HUWE1: variants seen among roughly 807,000 people sequenced by gnomAD.
HUWE1 encodes HECT, UBA and WWE domain containing E3 ubiquitin protein ligase 1.
A neutral mutation model predicts 299.4 loss-of-function variants in HUWE1; 18 were observed. That is an observed-to-expected ratio of 0.06 (90% CI 0.04 to 0.09). The LOEUF (loss-of-function observed/expected upper bound fraction) is 0.09, where lower values mean the gene tolerates loss of function less well. Ranked by LOEUF, HUWE1 falls within the 10% of genes least tolerant of loss-of-function variation. The pLI, the probability that HUWE1 is intolerant of heterozygous loss-of-function variation, is 1.00. For synonymous variants in HUWE1, 1,317 were observed against 1,286.1 expected (o/e 1.02, Z -0.51); for missense variants, 1,832 against 3,462.3 (o/e 0.53, Z 11.82).
rs1307358972 is a variant in HUWE1 at position 53,532,276 on chromosome X, T to C, written c.*1033A>G. ...AGAGAGGGAGTGACGACAACAAAAA[T>C]AGACAAACAAAAATAATGGTCTTCT... On this transcript the variant is annotated 3_prime_UTR_variant, in exon 84 of 84. Coordinates refer to ENST00000262854, the MANE Select transcript of HUWE1 (RefSeq NM_031407.7). 2 of 111,227 alleles carry C rather than the reference T, an allele frequency of 1.8e-5. No individual in the cohort carries two copies. The highest frequency in any genetic ancestry group is 3.3e-5 in the African/African-American group (1 of 30,592). The allele number at this position is 111,227 out of a possible 1,213,427, so 9.2% of individuals were successfully genotyped here. A position where few individuals can be genotyped will look rare whatever the true frequency, so the allele number is the denominator to read the frequency against.
intron 10 of HUWE1, 31 bp from the exon 11 acceptor site, chrX:53,631,513 C>T (rs782282903): frequency 6.6e-5 from 78 of 1,177,413 alleles, no homozygotes; most frequent in Non-Finnish European, 1.2e-6. Context: ...TAGTTAGGAA[C>T]AAAAAGTGAA....
At chrX:53,546,312 A>G in intron 70 of HUWE1, 124 bp downstream of exon 70, 1 of 611,735 alleles carries the variant, frequency 1.6e-6, no homozygotes, top group Non-Finnish European at 2.7e-6. Context: ...GGGAGCATGG[A>G]GGCTGTGTTA....
chrX:53,669,879 ATACT>A (rs1557048730), intron 3 of HUWE1, among the ~76,000 whole-genome samples: 1 of 112,469 alleles, frequency 8.9e-6, no homozygotes, highest in Non-Finnish European at 1.9e-5. Flanking sequence ...TAACACAGTA[ATACT>A]TAACTATAAT....
rs782162014 is a variant in HUWE1, at chrX:53,604,716, C to T, written c.2615G>A (p.Arg872Gln). 4.1e-6 allele frequency: 5 copies of T among 1,210,251 alleles called. No individual in the cohort carries two copies. Among genetic ancestry groups the T allele is most frequent in the East Asian group, 3.0e-5 (1 of 33,782 alleles). ...AACATTGCCTGCGCAAGCCAGTTCT[C>T]GCAACAACACTGAGCCCCCAGGGGA... ...IESPGGSVLL[R>Q]ELACAGNVAD... The change falls in exon 26 of 84, where the codon CGA becomes CAA. Residue 872 changes from arginine (R) to glutamine (Q), a missense_variant. Arg to Gln is a conservative substitution (Grantham distance 43). Around this residue, in one of 15 missense-constraint regions of HUWE1, gnomAD observed 658 missense variants for 1,282.6 expected, o/e 0.51. Transcript: ENST00000262854.
chrX:53,557,012 C>A (rs1314245788), intron 60 of HUWE1, among the ~76,000 whole-genome samples: 4 of 112,362 alleles, frequency 3.6e-5, no homozygotes, highest in Non-Finnish European at 7.5e-5. Flanking sequence ...AAGTGCCACA[C>A]CATGGTGGTC....
chrX:53,592,333 T>C, intron 33 of HUWE1, 65 bp downstream of exon 33: 1 of 798,359 alleles, frequency 1.3e-6, no homozygotes, highest in Admixed American at 2.2e-5. Context: ...GCTTAGAAAA[T>C]CCGTAAGCAT....
chrX:53,542,346 C>T, intron 74 of HUWE1, 97 bp downstream of exon 74: 1 of 621,413 alleles, frequency 1.6e-6, no homozygotes, highest in South Asian at 2.3e-5. Context: ...AATGGGAAAA[C>T]ACTGGGCTTA....
intron 23 of HUWE1, among the ~76,000 whole-genome samples, chrX:53,613,310 G>A (rs1300558824): frequency 9.0e-6 from 1 of 111,453 alleles, no homozygotes; most frequent in Non-Finnish European, 1.9e-5. Context: ...AGAGTTCCAA[G>A]AGGACATACC....
intron 48 of HUWE1, among the ~76,000 whole-genome samples, chrX:53,569,378 TG>T (rs781872008): frequency 3.5e-5 from 4 of 112,738 alleles, no homozygotes; most frequent in African/African-American, 1.3e-4. Context: ...TCAACTTCCT[TG>T]AAGACCTTAA....
At chrX:53,668,302 C>T (rs2069348437) in intron 3 of HUWE1, among the ~76,000 whole-genome samples, 1 of 109,594 alleles carries the variant, frequency 9.1e-6, no homozygotes, top group East Asian at 2.9e-4. Flanking sequence ...ATTAGCTGGG[C>T]GTGGTGGCAC....
rs781950618 is a variant in HUWE1 at position 53,628,735 on chromosome X, T to G, written c.1114+17A>C. On this transcript the variant is annotated intron_variant, in intron 14 of 83. Coordinates refer to ENST00000262854, the MANE Select transcript of HUWE1 (RefSeq NM_031407.7). ...AAATGTTTCTTCTTGCCTAAGATAATCACCATCAAAACTTACCAATCATGG... is the reference window on the plus strand; with the variant it reads ...AAATGTTTCTTCTTGCCTAAGATAAGCACCATCAAAACTTACCAATCATGG... 15 of 1,210,968 alleles carry G rather than the reference T, an allele frequency of 1.2e-5. No homozygotes were observed. The highest frequency in any genetic ancestry group is 1.5e-5 in the Non-Finnish European group (13 of 894,839).
chrX:53,625,342 G>C (rs1320451093), intron 17 of HUWE1, 84 bp from the exon 18 acceptor site: 1 of 595,873 alleles, frequency 1.7e-6, no homozygotes, highest in African/African-American at 2.2e-5. Context: ...AATTTTAAGA[G>C]ATCCAAATAC....
At position 53,598,045 on chromosome X, in the gene HUWE1, T is replaced by C. The variant is rs370637822; in HGVS notation, c.3163+2073A>G. ...CAAAAAAAAGGTCATGGGTGAAGAATTTCAGGATATGAATCTCAGTGAAAT... is the reference window on the plus strand; with the variant it reads ...CAAAAAAAAGGTCATGGGTGAAGAACTTCAGGATATGAATCTCAGTGAAAT... On this transcript the variant is annotated intron_variant, in intron 29 of 83. Coordinates refer to ENST00000262854, the MANE Select transcript of HUWE1 (RefSeq NM_031407.7). Among the ~76,000 whole-genome samples, 90 of 111,407 alleles carry C rather than the reference T, an allele frequency of 8.1e-4. 1 individual carries two copies. The highest frequency in any genetic ancestry group is 2.9e-3 in the African/African-American group (88 of 30,518).
At chrX:53,602,802 A>C (rs2064941231) in intron 27 of HUWE1, 144 bp from the exon 28 acceptor site, 1 of 361,781 alleles carries the variant, frequency 2.8e-6, no homozygotes, top group East Asian at 4.4e-5. Flanking sequence ...GTAATAAAGC[A>C]TCTATAATTC....
In HUWE1 at chrX:53,534,000, C is replaced by G. The variant is rs1556909135; in HGVS notation, c.13022+7G>C. On this transcript the variant is annotated splice_region_variant and intron_variant, in intron 83 of 83. Coordinates refer to ENST00000262854, the MANE Select transcript of HUWE1 (RefSeq NM_031407.7). ...ACTGAAAAGGAGAAACAAACCCTTCCTTTTACCATGTGTGAGCTGAAGGCA... is the reference window on the plus strand; with the variant it reads ...ACTGAAAAGGAGAAACAAACCCTTCGTTTTACCATGTGTGAGCTGAAGGCA... 1 of 1,207,045 alleles carries G rather than the reference C, an allele frequency of 8.3e-7. No homozygotes were observed. The highest frequency in any genetic ancestry group is 1.1e-6 in the Non-Finnish European group (1 of 891,234).
At chrX:53,576,117 T>C (rs2063092569) in intron 44 of HUWE1, among the ~76,000 whole-genome samples, 2 of 111,710 alleles carry the variant, frequency 1.8e-5, no homozygotes, top group African/African-American at 6.5e-5. Flanking sequence ...TGATAAGAGA[T>C]AGGGTAAAGA....
intron 11 of HUWE1, among the ~76,000 whole-genome samples, 178 bp downstream of exon 11, chrX:53,631,236 T>A (rs782106539): frequency 9.0e-6 from 1 of 111,670 alleles, no homozygotes. Flanking sequence ...TAGGAAGTTA[T>A]TAAGTGTTAA....
At chrX:53,676,878 T>C (rs1315400542) in intron 3 of HUWE1, among the ~76,000 whole-genome samples, 1 of 111,580 alleles carries the variant, frequency 9.0e-6, no homozygotes, top group Non-Finnish European at 1.9e-5. Context: ...TTTTAAAAAA[T>C]TGAGTATTTA....
intron 4 of HUWE1, among the ~76,000 whole-genome samples, chrX:53,653,427 T>C (rs1341224981): frequency 1.8e-5 from 2 of 111,434 alleles, no homozygotes; most frequent in Non-Finnish European, 3.8e-5. Context: ...ATTTCAAAGC[T>C]TGTGCTCTCT....
Sources: allele counts gnomAD v4.1 joint callset (sites outside exome capture counted in the v4.1 genomes callset), GRCh38; gene constraint gnomAD v4.1.1; regional missense constraint gnomAD v4.1.1; transcripts MANE v1.5; gene names NCBI Gene and HGNC (gene_info 2026-07-23, HGNC 2026-07-21).